MAD1L1: variants seen among roughly 807,000 people sequenced by gnomAD.
MAD1L1 encodes mitotic spindle assembly checkpoint protein MAD1.
A neutral mutation model predicts 96.9 loss-of-function variants in MAD1L1; 95 were observed. The ratio of observed to expected loss-of-function variants is 0.98; its 90% confidence interval spans 0.83 to 1.16. The LOEUF (loss-of-function observed/expected upper bound fraction) is 1.16. MAD1L1 is among the 50% of genes most tolerant of loss of function. MAD1L1 has a pLI of 0.00. For missense variants in MAD1L1, 1,007 were observed against 954.4 expected, an observed-to-expected ratio of 1.06 and a Z score of -0.73; for synonymous variants, 473 against 396.6, an observed-to-expected ratio of 1.19 and a Z score of -2.29.
intron 18 of MAD1L1, among the ~76,000 whole-genome samples, chr7:1,883,458 G>A (rs1785812933): frequency 6.6e-6 from 1 of 152,172 alleles, no homozygotes; most frequent in Admixed American, 6.5e-5. Flanking sequence ...GGCTGCCCAT[G>A]CCCGCAGGAT....
chr7:1,888,966 T>C (rs1167063321), intron 18 of MAD1L1, among the ~76,000 whole-genome samples: 1 of 152,206 alleles, frequency 6.6e-6, no homozygotes, highest in African/African-American at 2.4e-5. Flanking sequence ...CATGATGCAC[T>C]CACTGACCTG....
chr7:1,941,760 G>C (rs1343810870), intron 16 of MAD1L1, among the ~76,000 whole-genome samples: 1 of 152,238 alleles, frequency 6.6e-6, no homozygotes, highest in East Asian at 1.9e-4. Flanking sequence ...CTGCGGCTGG[G>C]GCTGGAGCGA....
At position 1,842,639 on chromosome 7, in the gene MAD1L1, C is replaced by A. The variant is rs557629114; in HGVS notation, c.1999-26411G>T. ...TGCTTCTTCAGGTCCCCGAGGGAGG[C>A]CTTCGTCCTTCGTCCATCGCTGGGC... On this transcript the variant is annotated intron_variant, in intron 18 of 18. Coordinates refer to ENST00000265854, the MANE Select transcript of MAD1L1 (RefSeq NM_001013836.2). Among the ~76,000 whole-genome samples, 14 of 152,358 alleles carry A rather than the reference C, an allele frequency of 9.2e-5. No individual in the cohort carries two copies. The East Asian group carries it at 9.6e-4, about 10-fold the overall frequency.
rs1011744809 is a variant in MAD1L1 at position 1,975,839 on chromosome 7, G to A, written c.1505+4614C>T. 1.2e-4 allele frequency among the ~76,000 whole-genome samples: 19 copies of A among 152,148 alleles called. 1 individual carries two copies. Among genetic ancestry groups the A allele is most frequent in the Non-Finnish European group, 4.4e-5 (3 of 68,016 alleles). ...TCCCGGGACCCAGAAGACATCACAC[G>A]GCCGGGAAGCGAGGGTCCGAGTGTG... On this transcript the variant is annotated intron_variant, in intron 15 of 18. Transcript: ENST00000265854.
At chr7:2,040,971 A>G (rs535778538) in intron 12 of MAD1L1, among the ~76,000 whole-genome samples, 1 of 152,344 alleles carries the variant, frequency 6.6e-6, no homozygotes, top group African/African-American at 2.4e-5. Context: ...CTGGCTTCAC[A>G]ATCACGTGTG....
chr7:1,822,238 G>T (rs1049417139), intron 18 of MAD1L1, among the ~76,000 whole-genome samples: 26 of 152,038 alleles, frequency 1.7e-4, no homozygotes, highest in Admixed American at 1.6e-3. Flanking sequence ...AAATACTCGG[G>T]TATACATCTA....
At chr7:2,145,286 A>G (rs1789241371) in intron 11 of MAD1L1, among the ~76,000 whole-genome samples, 2 of 152,214 alleles carry the variant, frequency 1.3e-5, no homozygotes, top group South Asian at 4.1e-4. Context: ...ACCTGAGCAA[A>G]CCCGCATAAA....
At chr7:2,123,367 G>A (rs544505525) in intron 11 of MAD1L1, among the ~76,000 whole-genome samples, 4 of 151,852 alleles carry the variant, frequency 2.6e-5, no homozygotes, top group South Asian at 2.1e-4. Context: ...GAAACTGCAC[G>A]CTACAGCTTG....
intron 2 of MAD1L1, 152 bp from the exon 3 acceptor site, chr7:2,230,295 C>T: frequency 1.8e-6 from 1 of 558,838 alleles, no homozygotes; most frequent in Non-Finnish European, 3.1e-6. Flanking sequence ...TCAATGGCAA[C>T]TGGGAGCCAT....
chr7:1,929,210 C>T (rs1376425731), intron 17 of MAD1L1, among the ~76,000 whole-genome samples: 2 of 152,092 alleles, frequency 1.3e-5, no homozygotes, highest in African/African-American at 2.4e-5. Context: ...TCCCTGGTAT[C>T]TCTTCTCCCT....
At chr7:1,819,994 G>C (rs1184150377) in intron 18 of MAD1L1, among the ~76,000 whole-genome samples, 2 of 152,120 alleles carry the variant, frequency 1.3e-5, no homozygotes, top group African/African-American at 4.8e-5. Flanking sequence ...GCAGTAAAAT[G>C]AGAAGACACG....
At chr7:1,913,893 C>G (rs1788182064) in intron 17 of MAD1L1, among the ~76,000 whole-genome samples, 1 of 152,174 alleles carries the variant, frequency 6.6e-6, no homozygotes, top group South Asian at 2.1e-4. Context: ...CATGCCCCCT[C>G]ACAGTTCCTC....
intron 18 of MAD1L1, among the ~76,000 whole-genome samples, chr7:1,833,817 T>G (rs1782819189): frequency 6.6e-6 from 1 of 152,200 alleles, no homozygotes; most frequent in Admixed American, 6.5e-5. Flanking sequence ...GGCACGTGCC[T>G]GTAATCCCAG....
At chr7:2,149,118 C>T (rs944519769) in intron 11 of MAD1L1, 34 bp downstream of exon 11, 2 of 1,603,882 alleles carry the variant, frequency 1.2e-6, no homozygotes, top group Non-Finnish European at 1.7e-6. Context: ...AAAGCAAACG[C>T]ATCCCCACAA....
chr7:1,816,368 A>G, intron 18 of MAD1L1, 140 bp from the exon 19 acceptor site: 3 of 744,374 alleles, frequency 4.0e-6, no homozygotes, highest in Non-Finnish European at 4.4e-6. Context: ...TGCGTCCTCA[A>G]CCCTGCCAGG....
At chr7:2,005,815 G>A (rs1334835638) in intron 13 of MAD1L1, among the ~76,000 whole-genome samples, 5 of 152,056 alleles carry the variant, frequency 3.3e-5, no homozygotes, top group Non-Finnish European at 5.9e-5. Flanking sequence ...AAACAAAAAC[G>A]AAGATGTAAA....
chr7:1,904,128 T>C (rs1285809351), intron 17 of MAD1L1, among the ~76,000 whole-genome samples: 1 of 140,678 alleles, frequency 7.1e-6, no homozygotes, highest in African/African-American at 2.6e-5. Context: ...CAAGCACTGT[T>C]CCAGGCAGCG....
intron 10 of MAD1L1, among the ~76,000 whole-genome samples, chr7:2,173,147 ACACTCT>A (rs1790788404): frequency 6.6e-6 from 1 of 152,196 alleles, no homozygotes; most frequent in Non-Finnish European, 1.5e-5. Flanking sequence ...TCAGAAGCAA[ACACTCT>A]AAGTTATTTG....
intron 18 of MAD1L1, chr7:1,849,688 A>C (rs763609705): frequency 1.3e-5 from 2 of 152,200 alleles, no homozygotes; most frequent in Non-Finnish European, 2.9e-5. Flanking sequence ...ACCTGGGCTA[A>C]AGGTGGAACC....
Sources: gnomAD v4.1 joint callset for allele counts (sites outside exome capture counted in the v4.1 genomes callset) on GRCh38, gnomAD v4.1.1 for gene constraint, MANE v1.5 for transcripts, NCBI Gene and HGNC (gene_info 2026-07-23, HGNC 2026-07-21) for gene names.